Variants in C2orf76 observed in about 807,000 individuals in gnomAD.
The protein encoded by C2orf76 is UPF0538 protein C2orf76.
Under a neutral mutation model 16.9 loss-of-function variants are expected in C2orf76, and 23 were observed. The observed-to-expected ratio is 1.36, with a 90% CI of 0.98 to 1.93. C2orf76 has a LOEUF of 1.93. C2orf76 is among the 30% of genes most tolerant of loss of function. C2orf76 has a pLI of 0.00. For synonymous variants in C2orf76, 48 were observed against 52.3 expected (o/e 0.92, Z 0.35); for missense variants, 152 against 152.6 (o/e 1.00, Z 0.02).
chr2:119,328,471 A>G (rs1031237832), intron 2 of C2orf76, among the ~76,000 whole-genome samples: 3 of 152,010 alleles, frequency 2.0e-5, no homozygotes, highest in African/African-American at 7.2e-5. Flanking sequence ...GACAACTGTC[A>G]CTCCTGATAC....
chr2:119,326,555 C>T (rs1344767403), intron 2 of C2orf76, among the ~76,000 whole-genome samples: 1 of 151,522 alleles, frequency 6.6e-6, no homozygotes, highest in Admixed American at 6.6e-5. Context: ...GGTCTTTTGC[C>T]TTTCCTTACA....
At chr2:119,297,958 T>C (rs531734989), downstream of C2orf76, among the ~76,000 whole-genome samples, 1 of 152,140 alleles carries the variant, frequency 6.6e-6, no homozygotes, top group East Asian at 1.9e-4. Context: ...TTTCTATACA[T>C]GTTTTGGTTT....
intron 1 of C2orf76, among the ~76,000 whole-genome samples, chr2:119,346,882 T>C (rs6542524): frequency 0.45 from 68,020 of 151,982 alleles, 15,472 homozygotes; most frequent in Non-Finnish European, 0.49. Flanking sequence ...GGCTGTAAAA[T>C]TGGACTATAC....
the C2orf76 span, among the ~76,000 whole-genome samples, chr2:119,290,198 CAGA>C: frequency 6.6e-6 from 1 of 151,676 alleles, no homozygotes; most frequent in South Asian, 2.1e-4. Flanking sequence ...CTCCACCAAG[CAGA>C]AGAACGTCTC....
intron 1 of C2orf76, among the ~76,000 whole-genome samples, chr2:119,340,762 AC>A (rs1680000130): frequency 1.1e-4 from 3 of 27,534 alleles, no homozygotes; most frequent in African/African-American, 7.7e-4. Context: ...TAATACACAC[AC>A]ACACACACAC....
intron 1 of C2orf76, among the ~76,000 whole-genome samples, chr2:119,359,519 T>TAA (rs1241341497): frequency 6.6e-6 from 1 of 152,188 alleles, no homozygotes; most frequent in Non-Finnish European, 1.5e-5. Context: ...TAAAGGCCAT[T>TAA]AAAAATATTC....
At chr2:119,330,353 C>CA (rs371947780) in intron 2 of C2orf76, among the ~76,000 whole-genome samples, 76,435 of 137,342 alleles carry the variant, frequency 0.56, 20,716 homozygotes, top group African/African-American at 0.63. Flanking sequence ...CTCTCCATCT[C>CA]AAAAAAAAAA....
intron 1 of C2orf76, among the ~76,000 whole-genome samples, chr2:119,358,475 G>A (rs1680641509): frequency 6.6e-6 from 1 of 151,550 alleles, no homozygotes; most frequent in African/African-American, 2.4e-5. Flanking sequence ...CTACTCAGAA[G>A]GCTGAGGCAG....
At chr2:119,314,223 G>C (rs113363212) in intron 4 of C2orf76, among the ~76,000 whole-genome samples, 1 of 151,488 alleles carries the variant, frequency 6.6e-6, no homozygotes. Context: ...ATTTTTCATC[G>C]TGGAGAATTT....
intron 2 of C2orf76, among the ~76,000 whole-genome samples, chr2:119,329,542 C>G (rs934545761): frequency 6.6e-6 from 1 of 152,028 alleles, no homozygotes; most frequent in Non-Finnish European, 1.5e-5. Context: ...TAAATTTGTT[C>G]TCTATTTCCT....
At chr2:119,287,882 A>G in the C2orf76 span, among the ~76,000 whole-genome samples, 1 of 152,076 alleles carries the variant, frequency 6.6e-6, no homozygotes, top group Non-Finnish European at 1.5e-5. Flanking sequence ...GTGTTGGGAG[A>G]GTGATTTGGA....
intron 5 of C2orf76, among the ~76,000 whole-genome samples, chr2:119,304,272 T>C (rs1678708523): frequency 6.6e-6 from 1 of 152,238 alleles, no homozygotes; most frequent in South Asian, 2.1e-4. Flanking sequence ...GATGTGCTAT[T>C]TACATACAGA....
intron 5 of C2orf76, among the ~76,000 whole-genome samples, chr2:119,306,478 C>G (rs1056694376): frequency 6.6e-6 from 1 of 152,064 alleles, no homozygotes; most frequent in Admixed American, 6.6e-5. Flanking sequence ...AGAGTTTGGC[C>G]GCTGTATCTT....
At chr2:119,361,624 T>C (rs2104654569) in intron 1 of C2orf76, among the ~76,000 whole-genome samples, 2 of 152,186 alleles carry the variant, frequency 1.3e-5, no homozygotes, top group Middle Eastern at 3.4e-3. Context: ...AATACATCAT[T>C]TTATATAAGG....
chr2:119,323,160 G>A (rs981561489), intron 2 of C2orf76, among the ~76,000 whole-genome samples: 1 of 151,216 alleles, frequency 6.6e-6, no homozygotes, highest in Non-Finnish European at 1.5e-5. Context: ...GGGACTACAG[G>A]CGCTCAGCAC....
chr2:119,309,136 A>G (rs1194812712), intron 5 of C2orf76, among the ~76,000 whole-genome samples: 5 of 152,134 alleles, frequency 3.3e-5, no homozygotes, highest in Admixed American at 3.3e-4. Context: ...CAGGCGATCC[A>G]CTAGCCTGGC....
intron 3 of C2orf76, among the ~76,000 whole-genome samples, chr2:119,318,907 A>G (rs1679260485): frequency 6.6e-6 from 1 of 152,104 alleles, no homozygotes; most frequent in Admixed American, 6.6e-5. Context: ...CCTAAGTAAA[A>G]TATGCATATT....
chr2:119,331,069 C>A (rs900457890), intron 2 of C2orf76, among the ~76,000 whole-genome samples: 7 of 151,232 alleles, frequency 4.6e-5, no homozygotes, highest in African/African-American at 1.7e-4. Flanking sequence ...TTTTTTGCTT[C>A]TTTGCATGCC....
At chr2:119,362,515 G>A (rs1680776252) in intron 1 of C2orf76, among the ~76,000 whole-genome samples, 1 of 152,244 alleles carries the variant, frequency 6.6e-6, no homozygotes, top group South Asian at 2.1e-4. Context: ...AGGCAAAGAT[G>A]TAGAAGACAA....
Sources: gnomAD v4.1 joint callset for allele counts (sites outside exome capture counted in the v4.1 genomes callset) on GRCh38, gnomAD v4.1.1 for gene constraint, MANE v1.5 for transcripts, NCBI Gene and HGNC (gene_info 2026-07-23, HGNC 2026-07-21) for gene names.